GALNTL6: variants seen among roughly 807,000 people sequenced by gnomAD.
The protein encoded by GALNTL6 is polypeptide N-acetylgalactosaminyltransferase like 6, also known as polypeptide N-acetylgalactosaminyltransferase-like 6.
Under a neutral mutation model 73.7 loss-of-function variants are expected in GALNTL6, and 46 were observed. The observed-to-expected ratio is 0.62, with a 90% CI of 0.49 to 0.80. The LOEUF (loss-of-function observed/expected upper bound fraction) is 0.80. Among genes scored for constraint, GALNTL6 ranks in the 30% least tolerant of loss-of-function variants. GALNTL6 has a pLI of 0.00. For missense variants in GALNTL6, 604 were observed against 755.0 expected (o/e 0.80, Z 2.34); for synonymous variants, 259 against 263.7 (o/e 0.98, Z 0.17).
chr4:171,901,109 G>T (rs1193360228), intron 2 of GALNTL6, among the ~76,000 whole-genome samples: 1 of 152,148 alleles, frequency 6.6e-6, no homozygotes, highest in Admixed American at 6.6e-5. Context: ...GAACAACAAA[G>T]ATTTGGAGTA....
chr4:172,160,017 C>G (rs78141358), intron 2 of GALNTL6, among the ~76,000 whole-genome samples: 5,924 of 152,006 alleles, frequency 0.039, 374 homozygotes, highest in African/African-American at 0.13. Context: ...TTATTAGCAG[C>G]TGGATGAGTA....
intron 5 of GALNTL6, among the ~76,000 whole-genome samples, chr4:172,781,120 G>T (rs1739349013): frequency 6.6e-6 from 1 of 152,144 alleles, no homozygotes; most frequent in African/African-American, 2.4e-5. Flanking sequence ...AAACCAAAAG[G>T]CCGTAAGTTA....
chr4:171,848,222 T>C (rs188303572), intron 2 of GALNTL6, among the ~76,000 whole-genome samples: 3 of 152,300 alleles, frequency 2.0e-5, no homozygotes, highest in Admixed American at 6.5e-5. Context: ...TTGAAAGGAA[T>C]TTTATTTTCT....
At chr4:171,905,807 T>C (rs1200516615) in intron 2 of GALNTL6, among the ~76,000 whole-genome samples, 1 of 151,612 alleles carries the variant, frequency 6.6e-6, no homozygotes, top group African/African-American at 2.4e-5. Flanking sequence ...CAGACCACAG[T>C]GCAATCAAAC....
At chr4:172,589,086 T>C (rs1306691241) in intron 5 of GALNTL6, among the ~76,000 whole-genome samples, 1 of 152,164 alleles carries the variant, frequency 6.6e-6, no homozygotes, top group Non-Finnish European at 1.5e-5. Flanking sequence ...TATGGCCAAT[T>C]TTAAGAAAAA....
chr4:172,118,113 G>A (rs937023349), intron 2 of GALNTL6, among the ~76,000 whole-genome samples: 2 of 152,156 alleles, frequency 1.3e-5, no homozygotes, highest in African/African-American at 4.8e-5. Context: ...TGATTGAGAT[G>A]TGGAGAGTAG....
rs1329842345 is a variant in GALNTL6 at position 172,107,688 on chromosome 4, AG to A, written c.139-121962del. On this transcript the variant is annotated intron_variant, in intron 2 of 12. Transcript: ENST00000506823. Reference sequence around the variant, plus strand: ...CCAGGGCCTGTTGTGGGGTGGGGGGAGGGGGGAGGGATAGCATTAGGAGATA... The same window carrying A: ...CCAGGGCCTGTTGTGGGGTGGGGGGAGGGGGAGGGATAGCATTAGGAGATA... Among the ~76,000 whole-genome samples the A allele has an allele frequency of 9.6e-5, 7 of 73,256 alleles. No individual in the cohort carries two copies. The South Asian group carries it at 4.2e-3, about 44-fold the overall frequency. The allele number at this position is 73,256 out of a possible 152,430, so 48.1% of individuals were successfully genotyped here. A position where few individuals can be genotyped will look rare whatever the true frequency, so the allele number is the denominator to read the frequency against.
At chr4:172,249,026 TG>T (rs1308338664) in intron 3 of GALNTL6, among the ~76,000 whole-genome samples, 1 of 152,120 alleles carries the variant, frequency 6.6e-6, no homozygotes, top group Non-Finnish European at 1.5e-5. Context: ...CCTGAAAATG[TG>T]AAAGTGACTT....
chr4:172,306,344 G>A (rs571602652), intron 3 of GALNTL6, among the ~76,000 whole-genome samples: 8 of 152,210 alleles, frequency 5.3e-5, no homozygotes, highest in African/African-American at 1.2e-4. Context: ...AGCCGAGATC[G>A]CGCCACTGCA....
chr4:172,874,851 G>A (rs1015362268), intron 7 of GALNTL6, among the ~76,000 whole-genome samples: 6 of 152,176 alleles, frequency 3.9e-5, no homozygotes, highest in Non-Finnish European at 8.8e-5. Context: ...GTGAAGCTCG[G>A]GACATTCGCA....
chr4:171,952,443 A>T (rs1027889091), intron 2 of GALNTL6, among the ~76,000 whole-genome samples: 1 of 151,990 alleles, frequency 6.6e-6, no homozygotes, highest in Non-Finnish European at 1.5e-5. Context: ...ATTATAAACC[A>T]ATCTCAACTA....
At chr4:172,226,589 C>G (rs201978026) in intron 2 of GALNTL6, among the ~76,000 whole-genome samples, 28 of 117,698 alleles carry the variant, frequency 2.4e-4, no homozygotes, top group South Asian at 3.5e-4. Flanking sequence ...GTCTGTGTGT[C>G]TGTGTGTGTG....
At chr4:171,991,730 G>GTATA (rs1248077137) in intron 2 of GALNTL6, among the ~76,000 whole-genome samples, 10 of 98,182 alleles carry the variant, frequency 1.0e-4, no homozygotes, top group African/African-American at 5.8e-4. Flanking sequence ...GTGTGTGTGT[G>GTATA]TATATATATA....
rs1560798566 is a variant in GALNTL6 at position 171,814,622 on chromosome 4, G to T, written c.42G>T (p.Leu14Phe). ...AGAGATTTCTGCAGATGACTTTGTT[G>T]TTCACGGTGGCTTTAATTTTCCTGC... The part of the protein sequence containing the change: ...KQKRFLQMTL[L>F]FTVALIFLPN... The change falls in exon 2 of 13, where the codon TTG becomes TTT. Residue 14 changes from leucine (L) to phenylalanine (F), a missense_variant. Around this residue, in one of 5 missense-constraint regions of GALNTL6, gnomAD observed 141 missense variants for 156.6 expected, o/e 0.90. Transcript: ENST00000506823. 23 of 1,614,148 alleles carry T rather than the reference G, an allele frequency of 1.4e-5. No homozygotes were observed. Among genetic ancestry groups the T allele is most frequent in the Non-Finnish European group, 1.9e-5 (22 of 1,179,990 alleles).
intron 2 of GALNTL6, among the ~76,000 whole-genome samples, chr4:172,041,139 T>G (rs1273620655): frequency 1.3e-5 from 2 of 152,120 alleles, no homozygotes; most frequent in Non-Finnish European, 2.9e-5. Context: ...TTACATGATG[T>G]TGATGATTGC....
rs564825086 is a variant in GALNTL6 at position 172,818,966 on chromosome 4, C to G, written c.923+5243C>G. ...ACATATCAGTTTGAATTCAGTAATT[C>G]CTCATCCAGGGCCAATATCTAGCCT... is the stretch of plus-strand genomic sequence containing the variant. On this transcript the variant is annotated intron_variant, in intron 7 of 12. Transcript: ENST00000506823. 2.0e-5 allele frequency among the ~76,000 whole-genome samples: 3 copies of G among 152,280 alleles called. No homozygotes were observed. The East Asian group carries it at 5.8e-4, about 29-fold the overall frequency.
In GALNTL6 at chr4:172,633,496, G is replaced by C. The variant is rs562945624; in HGVS notation, c.554-175865G>C. 2.0e-5 allele frequency among the ~76,000 whole-genome samples: 3 copies of C among 152,202 alleles called. No individual in the cohort carries two copies. In the East Asian group the frequency reaches 5.8e-4, roughly 29 times the overall value. On this transcript the variant is annotated intron_variant, in intron 5 of 12. Transcript: ENST00000506823. ...AATGGGTGTATTTATCCCAATGCCTGTACCCCCATTGTATCTAGGAAGTAA... is the reference window on the plus strand; with the variant it reads ...AATGGGTGTATTTATCCCAATGCCTCTACCCCCATTGTATCTAGGAAGTAA...
intron 5 of GALNTL6, among the ~76,000 whole-genome samples, chr4:172,735,908 C>T (rs1052704394): frequency 1.7e-4 from 26 of 152,208 alleles, no homozygotes; most frequent in Admixed American, 7.8e-4. Context: ...CGGCAGGTTC[C>T]GTGATGCCCC....
intron 2 of GALNTL6, among the ~76,000 whole-genome samples, chr4:172,069,504 A>G (rs55961027): frequency 0.13 from 4,360 of 33,242 alleles, 1,161 homozygotes; most frequent in Non-Finnish European, 0.16. Flanking sequence ...TTATATGTAT[A>G]ACACATATAT....
Sources: gnomAD v4.1 joint callset for allele counts (sites outside exome capture counted in the v4.1 genomes callset) on GRCh38, gnomAD v4.1.1 for gene constraint, gnomAD v4.1.1 regional missense constraint, MANE v1.5 for transcripts, NCBI Gene and HGNC (gene_info 2026-07-23, HGNC 2026-07-21) for gene names.